INSR: variants seen among roughly 807,000 people sequenced by gnomAD.
INSR encodes insulin receptor.
INSR carries 67 observed loss-of-function variants against 142.6 expected under a neutral mutation model. That is an observed-to-expected ratio of 0.47 (90% CI 0.39 to 0.58). The LOEUF (loss-of-function observed/expected upper bound fraction) is 0.58. Ranked by LOEUF, INSR falls within the 20% of genes least tolerant of loss-of-function variation. INSR has a pLI of 0.00. For synonymous variants in INSR, 756 were observed against 743.1 expected, an observed-to-expected ratio of 1.02 and a Z score of -0.28; for missense variants, 1,248 against 1,833.2, an observed-to-expected ratio of 0.68 and a Z score of 5.83.
chr19:7,142,678 G>T, intron 12 of INSR, 138 bp downstream of exon 12: 1 of 1,064,512 alleles, frequency 9.4e-7, no homozygotes, highest in Non-Finnish European at 1.4e-6. Flanking sequence ...GGGCGACAGA[G>T]CAAGGCTCCG....
intron 16 of INSR, among the ~76,000 whole-genome samples, chr19:7,126,077 T>A (rs10406869): frequency 1.3e-5 from 2 of 152,014 alleles, no homozygotes; most frequent in Admixed American, 1.3e-4. Flanking sequence ...CCTGGAGCTT[T>A]CTACTAGGAA....
In INSR at chr19:7,171,917, C is replaced by CTTTTTTT. The variant is rs375076576; in HGVS notation, c.1268+366_1268+372dup. Among the ~76,000 whole-genome samples the CTTTTTTT allele has an allele frequency of 2.9e-5, 4 of 137,592 alleles. 1 individual carries two copies. Among genetic ancestry groups the CTTTTTTT allele is most frequent in the African/African-American group, 8.2e-5 (3 of 36,538 alleles). The allele number at this position is 137,592 out of a possible 152,430, so 90.3% of individuals were successfully genotyped here. A position where few individuals can be genotyped will look rare whatever the true frequency, so the allele number is the denominator to read the frequency against. Reference sequence around the variant, plus strand: ...ATCCTTAAGTTTTTCCTTTTCTTTTCTTTTTTTTTTTTTGGACAGAGTCTC... The same window carrying CTTTTTTT: ...ATCCTTAAGTTTTTCCTTTTCTTTTCTTTTTTTTTTTTTTTTTTTTGGACAGAGTCTC... On this transcript the variant is annotated intron_variant, in intron 5 of 21. Coordinates refer to ENST00000302850, the MANE Select transcript of INSR (RefSeq NM_000208.4).
At chr19:7,223,561 GAT>G (rs1202316070) in intron 2 of INSR, among the ~76,000 whole-genome samples, 10 of 152,228 alleles carry the variant, frequency 6.6e-5, no homozygotes, top group Non-Finnish European at 1.2e-4. Flanking sequence ...TTGGCCTCCA[GAT>G]ATTGGCTTCT....
chr19:7,184,544 G>T lies in INSR; in HGVS notation c.746C>A (p.Pro249His). Residue 249 changes from proline to histidine, a missense_variant, in exon 3 of 22, where the codon CCC (proline) becomes CAC (histidine). This residue lies in a region of INSR where 1,069 missense variants were observed against 1,654.0 expected (regional missense o/e 0.65). Coordinates refer to ENST00000302850, the MANE Select transcript of INSR (RefSeq NM_000208.4). The part of the protein sequence containing the change: ...CLGNCSQPDD[P>H]TKCVACRNFY... Reference sequence around the variant, plus strand: ...GTTGCGGCAGGCCACGCACTTGGTGGGGTCGTCGGGCTGAGAACAGTTGCC... The same window carrying T: ...GTTGCGGCAGGCCACGCACTTGGTGTGGTCGTCGGGCTGAGAACAGTTGCC... 6.2e-7 allele frequency: 1 copy of T among 1,613,770 alleles called. No individual in the cohort carries two copies. Among genetic ancestry groups the T allele is most frequent in the Non-Finnish European group, 8.5e-7 (1 of 1,179,962 alleles).
chr19:7,191,519 G>T (rs1198244862), intron 2 of INSR, among the ~76,000 whole-genome samples: 1 of 152,052 alleles, frequency 6.6e-6, no homozygotes, highest in Non-Finnish European at 1.5e-5. Flanking sequence ...AATGTGAAAA[G>T]CTCCACATGA....
intron 2 of INSR, among the ~76,000 whole-genome samples, chr19:7,260,285 C>T (rs34225879): frequency 2.6e-4 from 40 of 152,120 alleles, no homozygotes; most frequent in Non-Finnish European, 4.4e-4. Context: ...TGTGGCATCT[C>T]GGGTTGGTTT....
intron 2 of INSR, among the ~76,000 whole-genome samples, chr19:7,195,048 G>T (rs1434850058): frequency 2.0e-5 from 3 of 151,892 alleles, no homozygotes; most frequent in Admixed American, 6.6e-5. Context: ...AGGGGGAAAA[G>T]AAAAGGAAAA....
intron 21 of INSR, among the ~76,000 whole-genome samples, chr19:7,118,387 T>C (rs1301908174): frequency 1.3e-5 from 2 of 151,962 alleles, no homozygotes; most frequent in African/African-American, 2.4e-5. Context: ...GTGCAGTCTC[T>C]GCTCACTGCA....
At chr19:7,120,486 TAA>T in intron 20 of INSR, 132 bp downstream of exon 20, 5 of 1,048,860 alleles carry the variant, frequency 4.8e-6, no homozygotes, top group African/African-American at 1.6e-5. Flanking sequence ...GGGAAGATCC[TAA>T]GACAGGACGC....
intron 2 of INSR, among the ~76,000 whole-genome samples, chr19:7,263,220 A>G (rs1977118595): frequency 1.3e-5 from 2 of 152,030 alleles, no homozygotes; most frequent in African/African-American, 4.8e-5. Context: ...CGGAGGTTGC[A>G]GTGAGCTGAG....
intron 2 of INSR, among the ~76,000 whole-genome samples, chr19:7,245,179 A>T (rs1600085797): frequency 6.6e-6 from 1 of 151,484 alleles, no homozygotes. Flanking sequence ...CTCGTGATCC[A>T]CCTGCCTCGG....
chr19:7,242,276 T>G (rs1357753805), intron 2 of INSR, among the ~76,000 whole-genome samples: 1 of 151,894 alleles, frequency 6.6e-6, no homozygotes, highest in Non-Finnish European at 1.5e-5. Context: ...GGCTGAAGCT[T>G]GAGGATCCCT....
At position 7,192,409 on chromosome 19, in the gene INSR, C is replaced by T. The variant is rs1470226928; in HGVS notation, c.653-7772G>A. 2.6e-5 allele frequency among the ~76,000 whole-genome samples: 4 copies of T among 152,088 alleles called. No homozygotes were observed. The highest frequency in any genetic ancestry group is 2.6e-4 in the Admixed American group (4 of 15,254). On this transcript the variant is annotated intron_variant, in intron 2 of 21. Transcript: ENST00000302850. This position sits in a 1 kb window ranked among gnomAD's most constrained non-coding sequence, Gnocchi z 4.2. ...GGTGAGAGAGACCGCAAAGTGAAGA[C>T]ATTATGAAAGCCACGTGTCATGCAA...
In INSR at chr19:7,192,938, G is replaced by A. The variant is rs533721030; in HGVS notation, c.653-8301C>T. 2.0e-5 allele frequency among the ~76,000 whole-genome samples: 3 copies of A among 152,098 alleles called. No homozygotes were observed. The highest frequency in any genetic ancestry group is 4.4e-5 in the Non-Finnish European group (3 of 68,018). On this transcript the variant is annotated intron_variant, in intron 2 of 21. Coordinates refer to ENST00000302850, the MANE Select transcript of INSR (RefSeq NM_000208.4). The surrounding 1 kb of genome is among the most constrained non-coding windows in gnomAD (Gnocchi z 4.2). ...AAGTTGACGGAGGAGAAAGGAGACCGCTGTGTCAGAGTCCTCTGGTGGACC... is the reference window on the plus strand; with the variant it reads ...AAGTTGACGGAGGAGAAAGGAGACCACTGTGTCAGAGTCCTCTGGTGGACC...
At chr19:7,180,064 C>T (rs972821514) in intron 3 of INSR, among the ~76,000 whole-genome samples, 1 of 152,226 alleles carries the variant, frequency 6.6e-6, no homozygotes, top group Admixed American at 6.5e-5. Context: ...CCTAAACCAT[C>T]AGCCGTAGCT....
At chr19:7,209,668 C>A (rs1470622235) in intron 2 of INSR, among the ~76,000 whole-genome samples, 1 of 152,076 alleles carries the variant, frequency 6.6e-6, no homozygotes, top group African/African-American at 2.4e-5. Flanking sequence ...CCCGTCTCAG[C>A]CTCCCAAAGT....
intron 13 of INSR, among the ~76,000 whole-genome samples, chr19:7,137,966 CTTT>C (rs537243579): frequency 7.5e-5 from 10 of 133,724 alleles, no homozygotes; most frequent in Non-Finnish European, 9.6e-5. Context: ...TTTTCTTTTT[CTTT>C]TTTTTTTTTT....
At chr19:7,162,095 G>A (rs1422839559) in intron 9 of INSR, among the ~76,000 whole-genome samples, 1 of 151,944 alleles carries the variant, frequency 6.6e-6, no homozygotes, top group African/African-American at 2.4e-5. Context: ...GGGAGGCCGA[G>A]GCGGGTGGAT....
chr19:7,291,485 T>A (rs1458297025), intron 1 of INSR, among the ~76,000 whole-genome samples: 1 of 152,194 alleles, frequency 6.6e-6, no homozygotes, highest in Non-Finnish European at 1.5e-5. Flanking sequence ...CTTAAGATGA[T>A]AAAGGAGCCC....
Sources: gnomAD v4.1 joint callset for allele counts (sites outside exome capture counted in the v4.1 genomes callset) on GRCh38, gnomAD v4.1.1 for gene constraint, gnomAD v4.1.1 regional missense constraint, Gnocchi (gnomAD v3.1) non-coding constraint, MANE v1.5 for transcripts, NCBI Gene and HGNC (gene_info 2026-07-23, HGNC 2026-07-21) for gene names.